Variants in DOCK3 observed in about 807,000 individuals in gnomAD.
The protein encoded by DOCK3 is dedicator of cytokinesis protein 3.
Under a neutral mutation model 265.6 loss-of-function variants are expected in DOCK3, and 60 were observed. The observed-to-expected ratio is 0.23, with a 90% CI of 0.18 to 0.28. The LOEUF (loss-of-function observed/expected upper bound fraction) is 0.28. DOCK3 is among the 10% of genes least tolerant of loss of function. The pLI is 1.00. For synonymous variants in DOCK3, 881 were observed against 938.0 expected, an observed-to-expected ratio of 0.94 and a Z score of 1.11; for missense variants, 1,981 against 2,594.3, an observed-to-expected ratio of 0.76 and a Z score of 5.14.
At chr3:50,981,516 T>C (rs1018340102) in intron 5 of DOCK3, among the ~76,000 whole-genome samples, 11 of 152,354 alleles carry the variant, frequency 7.2e-5, no homozygotes, top group African/African-American at 2.6e-4. Flanking sequence ...TATGTCTCAA[T>C]GATCCATCCA....
rs181063523 is a variant in DOCK3 at position 50,700,233 on chromosome 3, C to T, written c.37+24933C>T. Among the ~76,000 whole-genome samples, 187 of 152,302 alleles carry T rather than the reference C, an allele frequency of 1.2e-3. 1 individual carries two copies. Among genetic ancestry groups the T allele is most frequent in the African/African-American group, 4.2e-3 (176 of 41,574 alleles). On this transcript the variant is annotated intron_variant, in intron 1 of 52. Coordinates refer to ENST00000266037, the MANE Select transcript of DOCK3 (RefSeq NM_004947.5). ...GGTGGAGGTTGCAATGAGCGGAGAT[C>T]GCACCATTGCACTCCAGCCTGGGCG...
At chr3:50,962,666 C>T (rs574434320) in intron 5 of DOCK3, among the ~76,000 whole-genome samples, 1 of 152,214 alleles carries the variant, frequency 6.6e-6, no homozygotes, top group East Asian at 1.9e-4. Flanking sequence ...ATAATTAGAT[C>T]CAGTGAGACC....
rs113291820 is a variant in DOCK3 at position 50,739,291 on chromosome 3, A to G, written c.38-39384A>G. On this transcript the variant is annotated intron_variant, in intron 1 of 52. Coordinates refer to ENST00000266037, the MANE Select transcript of DOCK3 (RefSeq NM_004947.5). ...TTCGTTAGGTTGAAATCAGTCTACT[A>G]ATGTATCTTCCCCTTCCTTAACTGT... Among the ~76,000 whole-genome samples the G allele has an allele frequency of 2.8e-3, 425 of 152,212 alleles. 3 individuals carry two copies. The highest frequency in any genetic ancestry group is 9.8e-3 in the African/African-American group (407 of 41,534).
Position 50,890,070 on chromosome 3 carries a change from C to T in DOCK3, c.207C>T (p.Val69=). The change falls in exon 4 of 53, where the codon GTC becomes GTT. Residue 69 remains valine, a synonymous_variant. Coordinates refer to ENST00000266037, the MANE Select transcript of DOCK3 (RefSeq NM_004947.5). ...ACATTCACTTGAAAAAGGCAATTGT[C>T]AGTAATAGGGGGTGAGTAATTGGCC... is the stretch of plus-strand genomic sequence containing the variant. The part of the protein sequence containing the change: ...ANYIHLKKAI[V]SNRGQYETVV... 2 of 1,430,522 alleles carry T rather than the reference C, an allele frequency of 1.4e-6. No individual in the cohort carries two copies. Among genetic ancestry groups the T allele is most frequent in the South Asian group, 3.2e-5 (2 of 63,284 alleles). 88.6% of individuals were successfully genotyped at this position (1,430,522 alleles called of 1,614,324 possible).
At chr3:51,069,621 ATTCT>A (rs1376425191) in intron 6 of DOCK3, among the ~76,000 whole-genome samples, 12 of 150,918 alleles carry the variant, frequency 8.0e-5, no homozygotes, top group Admixed American at 1.3e-4. Flanking sequence ...TGGTTCTTTT[ATTCT>A]TTCTTTCTCT....
chr3:50,962,837 C>G (rs1409195325), intron 5 of DOCK3, among the ~76,000 whole-genome samples: 5 of 152,130 alleles, frequency 3.3e-5, no homozygotes, highest in Non-Finnish European at 7.4e-5. Flanking sequence ...TCCCTTTATG[C>G]AATGCTTTAG....
intron 4 of DOCK3, among the ~76,000 whole-genome samples, chr3:50,896,984 A>G (rs559629244): frequency 5.6e-4 from 85 of 152,292 alleles, no homozygotes; most frequent in Non-Finnish European, 6.6e-4. Context: ...TTGTGGTTCC[A>G]TAGGAAATTT....
intron 2 of DOCK3, among the ~76,000 whole-genome samples, chr3:50,823,629 A>G (rs1473297918): frequency 1.3e-5 from 2 of 152,172 alleles, no homozygotes; most frequent in Admixed American, 6.5e-5. Flanking sequence ...CCCCCTTGCT[A>G]TTCCACAAAA....
At position 51,350,365 on chromosome 3, in the gene DOCK3, T is replaced by C; in HGVS notation, c.4080T>C (p.Tyr1360=). Residue 1360 remains tyrosine, a synonymous_variant, in exon 40 of 53, where the codon TAT becomes TAC. Transcript: ENST00000266037. ...CTGAGTTCTTTCGGGTCGGCTTCTATGGCAGGAAGTTTCCTTTCTTTCTTC... is the reference window on the plus strand; with the variant it reads ...CTGAGTTCTTTCGGGTCGGCTTCTACGGCAGGAAGTTTCCTTTCTTTCTTC... ...LEPEFFRVGF[Y]GRKFPFFLRN... is the part of the protein sequence containing the mutation. 2 of 1,612,590 alleles carry C rather than the reference T, an allele frequency of 1.2e-6. No homozygotes were observed. The highest frequency in any genetic ancestry group is 1.7e-6 in the Non-Finnish European group (2 of 1,179,580).
intron 1 of DOCK3, among the ~76,000 whole-genome samples, chr3:50,755,817 C>T (rs900002315): frequency 1.3e-5 from 2 of 152,160 alleles, no homozygotes; most frequent in East Asian, 3.8e-4. Context: ...CAAGGTGCAT[C>T]TGTGTTATAG....
chr3:51,324,167 T>A (rs1372901526), intron 32 of DOCK3, among the ~76,000 whole-genome samples: 1 of 149,220 alleles, frequency 6.7e-6, no homozygotes, highest in Non-Finnish European at 1.5e-5. Context: ...ATTGTGTATT[T>A]AGAAAACCCC....
At chr3:51,356,845 A>G (rs1029041447) in intron 43 of DOCK3, 117 bp from the exon 44 acceptor site, 36 of 1,260,566 alleles carry the variant, frequency 2.9e-5, no homozygotes, top group Non-Finnish European at 2.6e-5. Flanking sequence ...GGGAGTCTCA[A>G]GTTCACAGGA....
At chr3:50,924,224 C>T (rs11717748) in intron 4 of DOCK3, among the ~76,000 whole-genome samples, 30 of 152,160 alleles carry the variant, frequency 2.0e-4, no homozygotes, top group African/African-American at 7.0e-4. Flanking sequence ...TTTTACATTT[C>T]TACTTCATGT....
chr3:50,838,851 C>T (rs1053526497), intron 2 of DOCK3, among the ~76,000 whole-genome samples: 1 of 152,170 alleles, frequency 6.6e-6, no homozygotes, highest in Non-Finnish European at 1.5e-5. Flanking sequence ...TTACTGTCTT[C>T]AATTCTTCTT....
intron 9 of DOCK3, among the ~76,000 whole-genome samples, chr3:51,144,651 C>T (rs2085215427): frequency 6.6e-6 from 1 of 152,166 alleles, no homozygotes; most frequent in Admixed American, 6.5e-5. Context: ...AAATTTATAT[C>T]TGACCCAAAT....
At chr3:51,142,584 T>C (rs1439572319) in intron 9 of DOCK3, among the ~76,000 whole-genome samples, 2 of 152,204 alleles carry the variant, frequency 1.3e-5, no homozygotes, top group Non-Finnish European at 2.9e-5. Flanking sequence ...TTTTTTAAAA[T>C]TGTGAAATGA....
intron 5 of DOCK3, among the ~76,000 whole-genome samples, chr3:50,975,305 A>G (rs377011020): frequency 1.4e-4 from 21 of 151,198 alleles, no homozygotes; most frequent in Admixed American, 5.3e-4. Context: ...ATTATTTTGA[A>G]ATATGTCCCA....
At position 51,312,480 on chromosome 3, in the gene DOCK3, G is replaced by A. The variant is rs754774726; in HGVS notation, c.3098G>A (p.Trp1033Ter). 1 of 1,612,920 alleles carries A rather than the reference G, an allele frequency of 6.2e-7. No homozygotes were observed. Among genetic ancestry groups the A allele is most frequent in the Non-Finnish European group, 8.5e-7 (1 of 1,179,634 alleles). The change falls in exon 30 of 53, where the codon TGG becomes TAG. Residue 1033 changes from tryptophan to a stop codon, truncating the protein, a stop_gained. Coordinates refer to ENST00000266037, the MANE Select transcript of DOCK3 (RefSeq NM_004947.5). LOFTEE classifies it high-confidence loss of function. ...FTETDFDFKV[W>*]NSYFSLAVLF... is the part of the protein sequence containing the mutation. ...TCTCTTTCTCTGTCTGTCTAGGTGT[G>A]GAATTCTTACTTTAGCCTGGCAGTT...
At chr3:50,874,506 GAAAT>G (rs2047601659) in intron 3 of DOCK3, among the ~76,000 whole-genome samples, 1 of 145,336 alleles carries the variant, frequency 6.9e-6, no homozygotes, top group Non-Finnish European at 1.5e-5. Flanking sequence ...CTGTATCTTA[GAAAT>G]AAATAAAGAA....
Sources: gnomAD v4.1 joint callset for allele counts (sites outside exome capture counted in the v4.1 genomes callset) on GRCh38, gnomAD v4.1.1 for gene constraint, MANE v1.5 for transcripts, NCBI Gene and HGNC (gene_info 2026-07-23, HGNC 2026-07-21) for gene names.